Variants in KCNMB2 observed in about 807,000 individuals in gnomAD.
KCNMB2 encodes potassium calcium-activated channel subfamily M regulatory beta subunit 2.
In KCNMB2, 9 loss-of-function variants were observed where a neutral mutation model predicts 24.5. That is an observed-to-expected ratio of 0.37 (90% CI 0.22 to 0.64). The LOEUF (loss-of-function observed/expected upper bound fraction) is 0.64. Ranked by LOEUF, KCNMB2 falls within the 30% of genes least tolerant of loss-of-function variation. The probability of loss-of-function intolerance (pLI) is 0.63; values close to 1 mark genes in which losing one functional copy is unlikely to be tolerated. For missense variants in KCNMB2, 226 were observed against 284.3 expected, an observed-to-expected ratio of 0.79 and a Z score of 1.47; for synonymous variants, 109 against 104.4, an observed-to-expected ratio of 1.04 and a Z score of -0.27.
intron 1 of KCNMB2, among the ~76,000 whole-genome samples, chr3:178,576,798 T>A (rs1717010500): frequency 1.3e-5 from 2 of 152,140 alleles, no homozygotes; most frequent in African/African-American, 4.8e-5. Flanking sequence ...TCTAGATTCA[T>A]CCTCCCTGGG....
At chr3:178,544,472 G>A (rs139447879) in intron 1 of KCNMB2, among the ~76,000 whole-genome samples, 5 of 152,222 alleles carry the variant, frequency 3.3e-5, no homozygotes, top group Admixed American at 6.5e-5. Flanking sequence ...ATCAAAGCCC[G>A]GGTGACAGAT....
intron 1 of KCNMB2, among the ~76,000 whole-genome samples, chr3:178,645,836 T>A (rs1010023994): frequency 1.3e-4 from 20 of 152,156 alleles, no homozygotes; most frequent in African/African-American, 4.6e-4. Flanking sequence ...GCGAAACATA[T>A]GTGTCCAAAA....
chr3:178,823,257 A>G (rs6765556), intron 2 of KCNMB2, among the ~76,000 whole-genome samples: 39,798 of 152,092 alleles, frequency 0.26, 7,033 homozygotes, highest in African/African-American at 0.51. Context: ...GAAGTCAAAA[A>G]CAGGGCAGGC....
chr3:178,593,984 C>T (rs910762861), intron 1 of KCNMB2, among the ~76,000 whole-genome samples: 1 of 151,136 alleles, frequency 6.6e-6, no homozygotes, highest in Admixed American at 6.6e-5. Flanking sequence ...CAGGCAAGTT[C>T]TTTGAGAGCC....
At chr3:178,624,359 G>GT (rs1028522974) in intron 1 of KCNMB2, among the ~76,000 whole-genome samples, 2 of 149,374 alleles carry the variant, frequency 1.3e-5, no homozygotes, top group African/African-American at 4.9e-5. Flanking sequence ...ACACAAATTT[G>GT]TTTTTTGTAG....
chr3:178,825,604 A>G lies in KCNMB2; in HGVS notation c.73A>G (p.Ile25Val). ...TAACCTCAGAAATATTTACCAGAAA[A>G]TCAGGGACCATGACCTCCTGGACAA... ...HDEKRNIYQK[I>V]RDHDLLDKRK... The change falls in exon 3 of 5, where the codon ATC (isoleucine) becomes GTC (valine). Residue 25 changes from isoleucine (I) to valine (V), a missense_variant. Transcript: ENST00000452583. The G allele has an allele frequency of 1.2e-6, 2 of 1,613,090 alleles. No individual in the cohort carries two copies.
intron 1 of KCNMB2, among the ~76,000 whole-genome samples, chr3:178,801,362 A>G (rs1481774792): frequency 6.6e-6 from 1 of 152,162 alleles, no homozygotes; most frequent in Non-Finnish European, 1.5e-5. Context: ...AGTCTGCAAT[A>G]AAAATCCAAA....
chr3:178,719,962 T>C (rs1722741918), intron 1 of KCNMB2, among the ~76,000 whole-genome samples: 3 of 152,220 alleles, frequency 2.0e-5, no homozygotes, highest in Non-Finnish European at 2.9e-5. Flanking sequence ...TCATAGGGTA[T>C]ATAATCTTTT....
At chr3:178,751,573 CAAAAAAAAAAAAAAAAAAAA>C (rs61148761) in intron 1 of KCNMB2, among the ~76,000 whole-genome samples, 2 of 47,690 alleles carry the variant, frequency 4.2e-5, no homozygotes, top group African/African-American at 1.8e-4. Flanking sequence ...GACTCCGTCT[CAAAAAAAAAAAAAAAAAAAA>C]AAAAAAAAAA....
intron 1 of KCNMB2, among the ~76,000 whole-genome samples, chr3:178,798,236 G>T (rs1713632210): frequency 1.3e-5 from 2 of 152,144 alleles, no homozygotes; most frequent in South Asian, 4.2e-4. Flanking sequence ...AAGGCTTCCA[G>T]CTTTTGCCCA....
intron 1 of KCNMB2, among the ~76,000 whole-genome samples, chr3:178,668,284 G>A (rs1720787269): frequency 6.6e-6 from 1 of 152,120 alleles, no homozygotes; most frequent in Non-Finnish European, 1.5e-5. Flanking sequence ...CTTTTGCTCA[G>A]AGGGTCCAAG....
chr3:178,749,665 G>C (rs1723779058), intron 1 of KCNMB2, among the ~76,000 whole-genome samples: 1 of 152,106 alleles, frequency 6.6e-6, no homozygotes. Flanking sequence ...TTTATAATTC[G>C]CATCTAGGAA....
intron 1 of KCNMB2, among the ~76,000 whole-genome samples, chr3:178,673,950 TC>T (rs374348358): frequency 7.4e-4 from 113 of 152,324 alleles, no homozygotes; most frequent in African/African-American, 2.6e-3. Context: ...TACTAACCAC[TC>T]TACCAATCGT....
intron 1 of KCNMB2, among the ~76,000 whole-genome samples, chr3:178,540,456 C>A (rs1401750219): frequency 1.3e-5 from 2 of 152,204 alleles, no homozygotes; most frequent in African/African-American, 4.8e-5. Context: ...CCTCCAATGT[C>A]TTTCTGTATG....
At chr3:178,643,917 A>G (rs1409538846) in intron 1 of KCNMB2, among the ~76,000 whole-genome samples, 1 of 152,188 alleles carries the variant, frequency 6.6e-6, no homozygotes, top group African/African-American at 2.4e-5. Flanking sequence ...CCATGGAACT[A>G]CCAGAAGGAT....
intron 1 of KCNMB2, among the ~76,000 whole-genome samples, chr3:178,790,285 T>C (rs1467097721): frequency 6.6e-6 from 1 of 152,064 alleles, no homozygotes; most frequent in East Asian, 1.9e-4. Flanking sequence ...TCACGGGGCT[T>C]CAGTGAGACC....
chr3:178,786,521 G>A (rs1459164305), intron 1 of KCNMB2, among the ~76,000 whole-genome samples: 2 of 152,068 alleles, frequency 1.3e-5, no homozygotes, highest in Non-Finnish European at 2.9e-5. Context: ...TAGAAATGCA[G>A]CCCATAGAAA....
intron 1 of KCNMB2, among the ~76,000 whole-genome samples, chr3:178,796,436 A>G (rs1713543373): frequency 6.6e-6 from 1 of 152,152 alleles, no homozygotes; most frequent in South Asian, 2.1e-4. Context: ...ATTTCATCCA[A>G]TGGCAGCAGA....
chr3:178,833,329 C>A (rs1715111261), intron 4 of KCNMB2, among the ~76,000 whole-genome samples: 1 of 152,166 alleles, frequency 6.6e-6, no homozygotes, highest in Non-Finnish European at 1.5e-5. Flanking sequence ...TCTCACCCCT[C>A]TTCCACAATC....
Sources: gnomAD v4.1 joint callset for allele counts (sites outside exome capture counted in the v4.1 genomes callset) on GRCh38, gnomAD v4.1.1 for gene constraint, MANE v1.5 for transcripts, NCBI Gene and HGNC (gene_info 2026-07-23, HGNC 2026-07-21) for gene names.